The following MYO10 variants were observed in gnomAD, a reference collection of about 807,000 sequenced individuals.
MYO10 encodes the protein unconventional myosin-X.
A neutral mutation model predicts 257.3 loss-of-function variants in MYO10; 133 were observed. The ratio of observed to expected loss-of-function variants is 0.52; its 90% CI spans 0.45 to 0.60. The LOEUF is 0.60. Ranked by LOEUF, MYO10 falls within the 20% of genes least tolerant of loss-of-function variation. The pLI is 0.00. For missense variants in MYO10, 2,399 were observed against 2,635.7 expected (o/e 0.91, Z 1.97); for synonymous variants, 1,104 against 1,028.6 (o/e 1.07, Z -1.40).
At chr5:16,904,786 G>A (rs1038823788) in intron 1 of MYO10, among the ~76,000 whole-genome samples, 5 of 152,100 alleles carry the variant, frequency 3.3e-5, no homozygotes, top group Admixed American at 1.3e-4. Context: ...AAAATTAGCC[G>A]GGCGTGGTAG....
At position 16,701,900 on chromosome 5, in the gene MYO10, C is replaced by T. The variant is rs1738099444; in HGVS notation, c.2557-62G>A. 3.3e-6 allele frequency: 5 copies of T among 1,513,572 alleles called. No individual in the cohort carries two copies. Among genetic ancestry groups the T allele is most frequent in the East Asian group, 4.5e-5 (2 of 44,264 alleles). 93.8% of individuals were successfully genotyped at this position (1,513,572 alleles called of 1,614,324 possible). ...AGTACAAAAGTCCAAGCATAGCTCC[C>T]GCTTTGCAACCAGGATGAAATATGG... is the stretch of plus-strand genomic sequence containing the variant. On this transcript the variant is annotated intron_variant, in intron 24 of 40. Coordinates refer to ENST00000513610, the MANE Select transcript of MYO10 (RefSeq NM_012334.3). This position sits in a 1 kb window ranked among gnomAD's most constrained non-coding sequence, Gnocchi z 8.1.
chr5:16,932,064 T>C (rs571297122), intron 1 of MYO10, among the ~76,000 whole-genome samples: 6 of 152,344 alleles, frequency 3.9e-5, no homozygotes, highest in African/African-American at 1.4e-4. Context: ...TTAACGTCTT[T>C]AGAATGAAGT....
rs749681732 is a variant in MYO10 at position 16,710,920 on chromosome 5, C to T, written c.2157G>A (p.Leu719=). The change falls in exon 21 of 41, where the codon CTG becomes CTA. Residue 719 remains leucine (L), a synonymous_variant. Coordinates refer to ENST00000513610, the MANE Select transcript of MYO10 (RefSeq NM_012334.3). Reference sequence around the variant, plus strand: ...CTCCGCATCGTACCTTGGTCTTCCCCAGCTGCCACTCGCTGTTGGAGGCAT... The same window carrying T: ...CTCCGCATCGTACCTTGGTCTTCCCTAGCTGCCACTCGCTGTTGGAGGCAT... ...LYDASNSEWQ[L]GKTKVFLRES... is the part of the protein sequence containing the mutation. 1.9e-6 allele frequency: 3 copies of T among 1,613,420 alleles called. No individual in the cohort carries two copies. Among genetic ancestry groups the T allele is most frequent in the African/African-American group, 1.3e-5 (1 of 74,878 alleles).
At chr5:16,742,007 G>A in intron 19 of MYO10, 3 of 985,380 alleles carry the variant, frequency 3.0e-6, no homozygotes, top group Non-Finnish European at 2.4e-6. Flanking sequence ...AGCCTGGCGA[G>A]GCTGACGTGA....
intron 27 of MYO10, among the ~76,000 whole-genome samples, chr5:16,692,805 T>TAAG (rs1737568227): frequency 6.6e-6 from 1 of 152,216 alleles, no homozygotes; most frequent in South Asian, 2.1e-4. Flanking sequence ...AATGGCTGAA[T>TAAG]AAGAGCTAAC....
In MYO10 at chr5:16,743,642, C is replaced by CA. The variant is rs756002457; in HGVS notation, c.1929+11185dup. 9.7e-3 allele frequency among the ~76,000 whole-genome samples: 1,334 copies of CA among 137,878 alleles called. 20 individuals are homozygous for CA. The highest frequency in any genetic ancestry group is 0.029 in the African/African-American group (1,081 of 37,630). 90.5% of individuals were successfully genotyped at this position (137,878 alleles called of 152,430 possible). ...TGAGTGAAAGAGTGAGACTCCATTG[C>CA]AAAAAAAAAAAGAAACTTCATTCTC... is the stretch of plus-strand genomic sequence containing the variant. On this transcript the variant is annotated intron_variant, in intron 19 of 40. Transcript: ENST00000513610.
At chr5:16,879,793 A>G (rs554922733) in intron 1 of MYO10, among the ~76,000 whole-genome samples, 5 of 152,348 alleles carry the variant, frequency 3.3e-5, no homozygotes, top group African/African-American at 1.2e-4. Context: ...GTTCTCTCTC[A>G]TCTTCCTAGG....
chr5:16,758,807 T>A (rs981084292), intron 17 of MYO10, among the ~76,000 whole-genome samples: 1 of 152,174 alleles, frequency 6.6e-6, no homozygotes, highest in Admixed American at 6.5e-5. Context: ...AGAACATGCA[T>A]GTAAAAGGCA....
intron 9 of MYO10, among the ~76,000 whole-genome samples, chr5:16,770,190 T>C (rs976016727): frequency 1.3e-5 from 2 of 152,136 alleles, no homozygotes; most frequent in African/African-American, 4.8e-5. Flanking sequence ...TATGATCGCA[T>C]GTGTACTCCA....
chr5:16,670,873 C>G lies in MYO10; in HGVS notation c.5536G>C (p.Ala1846Pro). The change falls in exon 39 of 41, where the codon GCT (alanine) becomes CCT (proline). Residue 1846 changes from alanine to proline, a missense_variant. Ala to Pro is a conservative substitution (Grantham distance 27). Around this residue, in one of 3 missense-constraint regions of MYO10, gnomAD observed 1,820 missense variants for 1,939.4 expected, o/e 0.94. Coordinates refer to ENST00000513610, the MANE Select transcript of MYO10 (RefSeq NM_012334.3). ...ACCTCTTCGAGAGGTGGGATGGCAG[C>G]GTGCAGAGTATAATCCCCCTGCAGA... ...QYLQGDYTLH[A>P]AIPPLEEVYS... 6.2e-7 allele frequency: 1 copy of G among 1,613,936 alleles called. No individual in the cohort carries two copies. Among genetic ancestry groups the G allele is most frequent in the South Asian group, 1.1e-5 (1 of 91,076 alleles).
intron 1 of MYO10, among the ~76,000 whole-genome samples, chr5:16,899,124 G>A (rs1201345352): frequency 8.2e-4 from 96 of 116,636 alleles, no homozygotes; most frequent in African/African-American, 3.1e-3. Context: ...GACAGAACCA[G>A]ACTCTGTCTC....
chr5:16,844,956 A>ACG (rs1554002201), intron 2 of MYO10, among the ~76,000 whole-genome samples: 9 of 87,910 alleles, frequency 1.0e-4, no homozygotes, highest in African/African-American at 3.4e-4. Context: ...ACACACACGC[A>ACG]CACACACACA....
chr5:16,903,711 T>G (rs1297648734), intron 1 of MYO10, among the ~76,000 whole-genome samples: 1 of 152,126 alleles, frequency 6.6e-6, no homozygotes, highest in Non-Finnish European at 1.5e-5. Flanking sequence ...GAAAAAGGAA[T>G]AGAAGCCAGC....
intron 2 of MYO10, among the ~76,000 whole-genome samples, chr5:16,831,072 A>T (rs1190709867): frequency 6.6e-6 from 1 of 152,176 alleles, no homozygotes; most frequent in Non-Finnish European, 1.5e-5. Context: ...TAAAGGAGAC[A>T]TGGGACCAAA....
In MYO10 at chr5:16,822,068, G is replaced by C. The variant is rs547699561; in HGVS notation, c.121-3901C>G. On this transcript the variant is annotated intron_variant, in intron 2 of 40. Transcript: ENST00000513610. ...TCCATTCAGAGGTGGGCTCCAGTTG[G>C]TAAAGACCTTAGAACATTGTCTGGC... 5.3e-5 allele frequency among the ~76,000 whole-genome samples: 8 copies of C among 152,224 alleles called. No homozygotes were observed. In the South Asian group the frequency reaches 1.4e-3, roughly 28 times the overall value.
chr5:16,708,701 A>G (rs1738458024), intron 21 of MYO10, among the ~76,000 whole-genome samples: 1 of 152,150 alleles, frequency 6.6e-6, no homozygotes, highest in South Asian at 2.1e-4. Context: ...AGCTGGGACT[A>G]TAGGCACATG....
At chr5:16,694,190 A>C (rs1013007876) in intron 27 of MYO10, among the ~76,000 whole-genome samples, 181 bp downstream of exon 27, 1 of 152,238 alleles carries the variant, frequency 6.6e-6, no homozygotes, top group African/African-American at 2.4e-5. Flanking sequence ...CACAAAAAGC[A>C]AAGTACTCAT....
chr5:16,898,275 CA>C, intron 1 of MYO10, among the ~76,000 whole-genome samples: 1 of 151,908 alleles, frequency 6.6e-6, no homozygotes. Context: ...TACAAAGAAA[CA>C]GGTAAGATTA....
intron 19 of MYO10, among the ~76,000 whole-genome samples, chr5:16,754,620 A>T (rs1283919009): frequency 6.6e-6 from 1 of 152,162 alleles, no homozygotes; most frequent in Non-Finnish European, 1.5e-5. Flanking sequence ...AGATGTCCCT[A>T]AAGCTTAATA....
Sources: allele counts gnomAD v4.1 joint callset (sites outside exome capture counted in the v4.1 genomes callset), GRCh38; gene constraint gnomAD v4.1.1; regional missense constraint gnomAD v4.1.1; non-coding constraint Gnocchi (gnomAD v3.1); transcripts MANE v1.5; gene names NCBI Gene and HGNC (gene_info 2026-07-23, HGNC 2026-07-21).